LRRC37A: variants seen among roughly 807,000 people sequenced by gnomAD.
The protein encoded by LRRC37A is leucine-rich repeat-containing protein 37A.
Under a neutral mutation model 35.4 loss-of-function variants are expected in LRRC37A, and 3 were observed. The ratio of observed to expected loss-of-function variants is 0.08; its 90% confidence interval spans 0.04 to 0.22. The LOEUF is 0.22. Ranked by LOEUF, LRRC37A falls within the 10% of genes least tolerant of loss-of-function variation. The pLI is 1.00. For missense variants in LRRC37A, 67 were observed against 565.3 expected (o/e 0.12, Z 8.94); for synonymous variants, 23 against 215.0 (o/e 0.11, Z 7.81).
upstream of LRRC37A, among the ~76,000 whole-genome samples, chr17:46,287,841 A>G (rs542485641): frequency 2.6e-4 from 40 of 152,370 alleles, no homozygotes; most frequent in African/African-American, 9.1e-4. Flanking sequence ...GTGATTGTGG[A>G]GTGCACAGTG....
the LRRC37A span, among the ~76,000 whole-genome samples, chr17:46,280,421 C>A: frequency 6.6e-6 from 1 of 152,170 alleles, no homozygotes; most frequent in Non-Finnish European, 1.5e-5. Context: ...CGGCTGTAAT[C>A]CCAGCACTCT....
chr17:46,272,422 TA>T, the LRRC37A span, among the ~76,000 whole-genome samples: 35 of 115,798 alleles, frequency 3.0e-4, no homozygotes, highest in Non-Finnish European at 6.4e-4. Flanking sequence ...CTTTCTTTTT[TA>T]TTTTTTTTGA....
the LRRC37A span, among the ~76,000 whole-genome samples, chr17:46,276,038 C>G: frequency 1.3e-5 from 2 of 152,140 alleles, no homozygotes; most frequent in Non-Finnish European, 2.9e-5. Context: ...TTACAGGTGC[C>G]TGCCACCACA....
the LRRC37A span, among the ~76,000 whole-genome samples, chr17:46,270,363 G>C: frequency 5.3e-5 from 8 of 152,220 alleles, no homozygotes; most frequent in Non-Finnish European, 1.2e-4. Context: ...GGGCAGACAG[G>C]TAATAAAGAG....
At chr17:46,274,021 C>T in the LRRC37A span, among the ~76,000 whole-genome samples, 21,708 of 151,902 alleles carry the variant, frequency 0.14, 1,893 homozygotes, top group Non-Finnish European at 0.22. Context: ...CCTGAAGATT[C>T]TTCTCTGACG....
the LRRC37A span, among the ~76,000 whole-genome samples, chr17:46,258,415 T>C: frequency 6.6e-6 from 1 of 152,210 alleles, no homozygotes; most frequent in Non-Finnish European, 1.5e-5. Flanking sequence ...TTTACCATGT[T>C]GGCCAGGATG....
chr17:46,291,479 G>A (rs1334485237), upstream of LRRC37A, among the ~76,000 whole-genome samples: 2 of 151,466 alleles, frequency 1.3e-5, no homozygotes, highest in African/African-American at 4.9e-5. Flanking sequence ...CTAACATGCT[G>A]TGTGTGAGGC....
the LRRC37A span, among the ~76,000 whole-genome samples, chr17:46,274,390 A>C: frequency 3.3e-5 from 5 of 152,248 alleles, no homozygotes; most frequent in African/African-American, 1.2e-4. Context: ...GTCCAGGACC[A>C]CTTAGCCCAA....
chr17:46,278,150 T>C, the LRRC37A span, among the ~76,000 whole-genome samples: 17,114 of 149,946 alleles, frequency 0.11, no homozygotes, highest in Non-Finnish European at 0.17. Context: ...TTTCACCATG[T>C]TGGCCAGCTG....
the LRRC37A span, among the ~76,000 whole-genome samples, chr17:46,272,928 T>C: frequency 6.6e-6 from 1 of 152,342 alleles, no homozygotes; most frequent in South Asian, 2.1e-4. Context: ...AGAAGACATA[T>C]TACCACCAAC....
the LRRC37A span, chr17:46,259,489 T>C: frequency 1.8e-5 from 29 of 1,575,884 alleles, no homozygotes; most frequent in Non-Finnish European, 2.5e-5. Context: ...GTTTGCTGGG[T>C]TGGGGCCTGA....
At chr17:46,266,210 C>T in the LRRC37A span, among the ~76,000 whole-genome samples, 3 of 152,208 alleles carry the variant, frequency 2.0e-5, no homozygotes, top group Non-Finnish European at 2.9e-5. Flanking sequence ...TTGTTGTTGA[C>T]CTAATCTAGA....
In LRRC37A at chr17:46,327,926, C is replaced by A. The variant is rs1279289328; in HGVS notation, c.3054-466C>A. Among the ~76,000 whole-genome samples, 2 of 59,540 alleles carry A rather than the reference C, an allele frequency of 3.4e-5. 1 individual carries two copies. The highest frequency in any genetic ancestry group is 7.4e-5 in the African/African-American group (2 of 26,874). The allele number at this position is 59,540 out of a possible 152,430, so 39.1% of individuals were successfully genotyped here. On this transcript the variant is annotated intron_variant, in intron 7 of 13. Coordinates refer to ENST00000320254, the Ensembl canonical transcript of LRRC37A. ...GAATGCTCAAATTGTCCAGATTTGACCAATGCAGTCTTTGTTATTTTTTAA... is the reference window on the plus strand; with the variant it reads ...GAATGCTCAAATTGTCCAGATTTGAACAATGCAGTCTTTGTTATTTTTTAA...
the LRRC37A span, among the ~76,000 whole-genome samples, chr17:46,249,745 A>G: frequency 1.3e-5 from 2 of 152,230 alleles, no homozygotes; most frequent in African/African-American, 4.8e-5. Flanking sequence ...CCCCTGAAAT[A>G]GCAAGAAGCT....
chr17:46,276,546 T>C, the LRRC37A span, among the ~76,000 whole-genome samples: 248 of 152,342 alleles, frequency 1.6e-3, 2 homozygotes, highest in African/African-American at 5.7e-3. Flanking sequence ...ATGGATGGTA[T>C]AAATGATGAA....
the LRRC37A span, among the ~76,000 whole-genome samples, chr17:46,257,080 C>A: frequency 6.6e-6 from 1 of 152,190 alleles, no homozygotes; most frequent in South Asian, 2.1e-4. Context: ...AGTAACTCAA[C>A]CTTTCTGTGC....
chr17:46,259,019 ATTTTTTTTTTTTTTTTTTTTT>A, the LRRC37A span, among the ~76,000 whole-genome samples: 1 of 79,450 alleles, frequency 1.3e-5, no homozygotes, highest in Non-Finnish European at 2.2e-5. Flanking sequence ...CACCCGGCCT[ATTTTTTTTTTTTTTTTTTTTT>A]TTTTTTTTTT....
chr17:46,315,826 C>A (rs992976341), intron 5 of LRRC37A, among the ~76,000 whole-genome samples: 1 of 35,354 alleles, frequency 2.8e-5, no homozygotes, highest in African/African-American at 7.8e-5. Flanking sequence ...CTCTCACCCC[C>A]TCCTTTATAC....
At chr17:46,334,965 T>C (rs2052237179) in intron 10 of LRRC37A, 1 of 81,354 alleles carries the variant, frequency 1.2e-5, no homozygotes, top group Admixed American at 1.3e-4. Context: ...CCAGGCATGG[T>C]GGCTCACACT....
Sources: allele counts gnomAD v4.1 joint callset (sites outside exome capture counted in the v4.1 genomes callset), GRCh38; gene constraint gnomAD v4.1.1; transcripts MANE v1.5; gene names NCBI Gene and HGNC (gene_info 2026-07-23, HGNC 2026-07-21).